Variants in SIRT1 observed in about 807,000 individuals in gnomAD.
SIRT1 encodes the protein sirtuin 1, also known as NAD-dependent protein deacetylase sirtuin-1.
Under a neutral mutation model 67.9 loss-of-function variants are expected in SIRT1, and 24 were observed. The observed-to-expected ratio is 0.35, with a 90% confidence interval of 0.26 to 0.50. The LOEUF is 0.50. SIRT1 is among the 20% of genes least tolerant of loss of function. The pLI, the probability that SIRT1 is intolerant of heterozygous loss-of-function variation, is 0.98. For missense variants in SIRT1, 873 were observed against 937.2 expected (o/e 0.93, Z 0.89); for synonymous variants, 378 against 350.7 (o/e 1.08, Z -0.87).
At chr10:67,911,365 A>T (rs1488522725) in intron 7 of SIRT1, among the ~76,000 whole-genome samples, 2 of 151,124 alleles carry the variant, frequency 1.3e-5, no homozygotes, top group Non-Finnish European at 3.0e-5. Flanking sequence ...AAATTTTTAA[A>T]TTTTTTTTTG....
chr10:67,897,224 A>G (rs1025129102), intron 4 of SIRT1, among the ~76,000 whole-genome samples: 24 of 151,076 alleles, frequency 1.6e-4, no homozygotes, highest in African/African-American at 5.8e-4. Flanking sequence ...ACCACTTTGG[A>G]TTCTTTCACA....
chr10:67,917,126 A>G lies in SIRT1; in HGVS notation c.*533A>G, dbSNP rs933718192. The G allele has an allele frequency of 2.0e-5, 3 of 152,664 alleles. No homozygotes were observed. Among genetic ancestry groups the G allele is most frequent in the Non-Finnish European group, 2.9e-5 (2 of 68,044 alleles). 9.5% of individuals were successfully genotyped at this position (152,664 alleles called of 1,614,324 possible). On this transcript the variant is annotated 3_prime_UTR_variant, in exon 9 of 9. Coordinates refer to ENST00000212015, the MANE Select transcript of SIRT1 (RefSeq NM_012238.5). ...CACTGGCATTTTCCAAAACTGTGGC[A>G]GCTAACTTTTTAAAATCTCAAATGA...
chr10:67,903,492 C>G (rs530975789), intron 4 of SIRT1, among the ~76,000 whole-genome samples: 2 of 151,768 alleles, frequency 1.3e-5, no homozygotes, highest in South Asian at 2.1e-4. Flanking sequence ...TCACGCCATT[C>G]TCCTGCCTTA....
At chr10:67,892,105 T>C (rs910754675) in intron 4 of SIRT1, among the ~76,000 whole-genome samples, 4 of 152,278 alleles carry the variant, frequency 2.6e-5, no homozygotes, top group East Asian at 3.9e-4. Context: ...TGTATTGATA[T>C]GTGCAATAAG....
Position 67,906,875 on chromosome 10 carries a change from A to C in SIRT1, c.1028A>C (p.Tyr343Ser). ...SDKEGKLLRN[Y>S]TQNIDTLEQV... Reference sequence around the variant, plus strand: ...AAGGAAGGAAAACTACTTCGCAACTATACCCAGAACATAGACACGCTGGAA... The same window carrying C: ...AAGGAAGGAAAACTACTTCGCAACTCTACCCAGAACATAGACACGCTGGAA... Residue 343 changes from tyrosine to serine, a missense_variant, in exon 5 of 9, where the codon TAT (tyrosine) becomes TCT (serine). Physicochemically the swap from Tyr to Ser is moderately radical, Grantham distance 144. This residue lies in a region of SIRT1 where 251 missense variants were observed against 358.8 expected (regional missense o/e 0.70). Transcript: ENST00000212015. The C allele has an allele frequency of 1.2e-6, 2 of 1,613,348 alleles. No individual in the cohort carries two copies. The highest frequency in any genetic ancestry group is 8.5e-7 in the Non-Finnish European group (1 of 1,179,688).
Position 67,909,450 on chromosome 10 carries a change from G to A in SIRT1, c.1357+8G>A. On this transcript the variant is annotated splice_region_variant and intron_variant, in intron 7 of 8. Transcript: ENST00000212015. ...CAGTAGCACTAATTCCAAGTAAGTT[G>A]GTGATGGTTTTTGGAGAACATTTCT... The A allele has an allele frequency of 6.3e-7, 1 of 1,596,358 alleles. No homozygotes were observed. Among genetic ancestry groups the A allele is most frequent in the Non-Finnish European group, 8.5e-7 (1 of 1,174,188 alleles).
Position 67,910,048 on chromosome 10 carries a change from G to A in SIRT1, c.1357+606G>A, listed in dbSNP as rs570827738. Reference sequence around the variant, plus strand: ...TTAGGTGGCATTGTTCATTGAGACTGGTGAATCTGACATTTTGATGGGGGG... The same window carrying A: ...TTAGGTGGCATTGTTCATTGAGACTAGTGAATCTGACATTTTGATGGGGGG... On this transcript the variant is annotated intron_variant, in intron 7 of 8. Coordinates refer to ENST00000212015, the MANE Select transcript of SIRT1 (RefSeq NM_012238.5). Among the ~76,000 whole-genome samples the A allele has an allele frequency of 2.7e-3, 409 of 152,028 alleles. 1 individual carries two copies. Among genetic ancestry groups the A allele is most frequent in the African/African-American group, 9.5e-3 (395 of 41,420 alleles).
chr10:67,906,619 G>C (rs1447363066), intron 4 of SIRT1, among the ~76,000 whole-genome samples, 171 bp from the exon 5 acceptor site: 1 of 152,122 alleles, frequency 6.6e-6, no homozygotes, highest in Admixed American at 6.6e-5. Flanking sequence ...GCATATGACA[G>C]CAACCGTCCT....
intron 7 of SIRT1, among the ~76,000 whole-genome samples, chr10:67,910,876 T>C (rs930961749): frequency 1.3e-5 from 2 of 152,120 alleles, no homozygotes; most frequent in African/African-American, 4.8e-5. Flanking sequence ...AGATGTGTCC[T>C]TTCATAAGTG....
At chr10:67,907,079 T>C (rs1842830383) in intron 5 of SIRT1, 142 bp downstream of exon 5, 2 of 727,094 alleles carry the variant, frequency 2.8e-6, no homozygotes, top group African/African-American at 1.9e-5. Context: ...CTCAGAAAAG[T>C]AGAAAACAAA....
At chr10:67,906,134 G>C in intron 4 of SIRT1, 8 of 1,309,376 alleles carry the variant, frequency 6.1e-6, no homozygotes, top group Non-Finnish European at 6.8e-6. Flanking sequence ...TTTTTGCCAT[G>C]TGTATATCTG....
At chr10:67,907,468 C>T (rs1398140326) in intron 5 of SIRT1, among the ~76,000 whole-genome samples, 1 of 134,956 alleles carries the variant, frequency 7.4e-6, no homozygotes, top group African/African-American at 2.9e-5. Flanking sequence ...GCGCTCCAGC[C>T]TGGGAGACAG....
At chr10:67,886,932 C>T (rs553789374) in intron 1 of SIRT1, among the ~76,000 whole-genome samples, 86 of 151,402 alleles carry the variant, frequency 5.7e-4, no homozygotes, top group South Asian at 2.1e-3. Context: ...AGTGCAATGG[C>T]GTGATCTCGG....
intron 1 of SIRT1, chr10:67,885,489 T>G (rs1842463167): frequency 3.3e-6 from 3 of 910,268 alleles, no homozygotes. Context: ...TTTTTTTTTC[T>G]TTTTCTTTAT....
At chr10:67,902,897 C>G (rs1439366984) in intron 4 of SIRT1, among the ~76,000 whole-genome samples, 3 of 152,120 alleles carry the variant, frequency 2.0e-5, no homozygotes, top group African/African-American at 7.2e-5. Context: ...GAGTTTGAGA[C>G]CAGCCTGGCC....
chr10:67,887,578 T>C, intron 2 of SIRT1, 45 bp downstream of exon 2: 1 of 1,322,974 alleles, frequency 7.6e-7, no homozygotes, highest in South Asian at 1.2e-5. Context: ...TGTACGGTTT[T>C]TGGTTTGTTT....
intron 4 of SIRT1, among the ~76,000 whole-genome samples, chr10:67,892,758 T>G (rs1842593769): frequency 6.6e-6 from 1 of 152,088 alleles, no homozygotes; most frequent in Admixed American, 6.6e-5. Context: ...CCCGCTACCA[T>G]GCCCAGCTAA....
chr10:67,894,312 G>T (rs547764276), intron 4 of SIRT1, among the ~76,000 whole-genome samples: 103 of 152,232 alleles, frequency 6.8e-4, no homozygotes, highest in African/African-American at 2.4e-3. Flanking sequence ...TAATGATGAT[G>T]GTCATCTATA....
chr10:67,907,031 A>T lies in SIRT1; in HGVS notation c.1090+94A>T. On this transcript the variant is annotated intron_variant, in intron 5 of 8. Transcript: ENST00000212015. ...TGACTGCCATCGAGAAGTGGAGATA[A>T]AGCATTATTTAATCATGTTATCTCA... 4 of 1,108,838 alleles carry T rather than the reference A, an allele frequency of 3.6e-6. No individual in the cohort carries two copies. In the South Asian group the frequency reaches 7.8e-5, roughly 22 times the overall value. 68.7% of individuals were successfully genotyped at this position (1,108,838 alleles called of 1,614,324 possible).
Sources: gnomAD v4.1 joint callset for allele counts (sites outside exome capture counted in the v4.1 genomes callset) on GRCh38, gnomAD v4.1.1 for gene constraint, gnomAD v4.1.1 regional missense constraint, MANE v1.5 for transcripts, NCBI Gene and HGNC (gene_info 2026-07-23, HGNC 2026-07-21) for gene names.